Variants in SAMMSON observed in about 807,000 individuals in gnomAD.
The protein encoded by SAMMSON is survival associated mitochondrial melanoma specific oncogenic non-coding RNA.
At chr3:70,337,526 G>A (rs1188364423) in intron 7 of SAMMSON, among the ~76,000 whole-genome samples, 1 of 151,834 alleles carries the variant, frequency 6.6e-6, no homozygotes, top group African/African-American at 2.4e-5. Context: ...CATCTTGCAT[G>A]CCCAGGATTC....
intron 9 of SAMMSON, among the ~76,000 whole-genome samples, chr3:70,366,492 G>GTT: frequency 0.12 from 12,024 of 100,506 alleles, 1,052 homozygotes; most frequent in Non-Finnish European, 0.15. Flanking sequence ...GTGTTTTTAT[G>GTT]TTTTTTTTTT....
chr3:70,351,714 A>C (rs1382670267), intron 7 of SAMMSON, among the ~76,000 whole-genome samples: 2 of 151,884 alleles, frequency 1.3e-5, no homozygotes, highest in Non-Finnish European at 2.9e-5. Flanking sequence ...AAACAACAAC[A>C]AAATCCCAAA....
intron 4 of SAMMSON, among the ~76,000 whole-genome samples, chr3:70,157,496 G>T (rs1406784332): frequency 2.0e-5 from 3 of 152,200 alleles, no homozygotes; most frequent in East Asian, 3.9e-4. Flanking sequence ...GGAGAGAAAG[G>T]TCCCTAGTGG....
At chr3:70,021,046 A>T (rs1208557101) in intron 3 of SAMMSON, among the ~76,000 whole-genome samples, 1 of 152,162 alleles carries the variant, frequency 6.6e-6, no homozygotes, top group Non-Finnish European at 1.5e-5. Context: ...GAACGGAGTT[A>T]AATGTTGGAA....
At chr3:70,091,658 G>A (rs917581621) in intron 4 of SAMMSON, among the ~76,000 whole-genome samples, 1 of 152,148 alleles carries the variant, frequency 6.6e-6, no homozygotes, top group African/African-American at 2.4e-5. Context: ...TATATGGACA[G>A]CCTAATAAGC....
At chr3:70,320,896 G>A (rs1702534463) in intron 7 of SAMMSON, among the ~76,000 whole-genome samples, 1 of 152,014 alleles carries the variant, frequency 6.6e-6, no homozygotes, top group African/African-American at 2.4e-5. Context: ...ACTTCATTGT[G>A]TCAGTTTCCT....
At chr3:70,121,023 G>A (rs1414622296) in intron 4 of SAMMSON, among the ~76,000 whole-genome samples, 1 of 152,200 alleles carries the variant, frequency 6.6e-6, no homozygotes, top group Non-Finnish European at 1.5e-5. Context: ...TAAATGGTAA[G>A]CCGTATCTGG....
At chr3:70,250,210 G>C (rs1351208971) in intron 6 of SAMMSON, among the ~76,000 whole-genome samples, 1 of 152,094 alleles carries the variant, frequency 6.6e-6, no homozygotes, top group Non-Finnish European at 1.5e-5. Flanking sequence ...AACTTCTTGA[G>C]TTGGGCCTCT....
chr3:70,016,839 A>G (rs367980182), intron 3 of SAMMSON, among the ~76,000 whole-genome samples: 16 of 152,152 alleles, frequency 1.1e-4, no homozygotes, highest in East Asian at 3.8e-4. Flanking sequence ...TTTATTAAAT[A>G]GGGAATCCTT....
chr3:70,273,065 G>A (rs145052546), intron 6 of SAMMSON, among the ~76,000 whole-genome samples: 90 of 152,258 alleles, frequency 5.9e-4, no homozygotes, highest in African/African-American at 2.1e-3. Context: ...GTTGTCAAGG[G>A]AAGTTCAGCC....
intron 4 of SAMMSON, among the ~76,000 whole-genome samples, chr3:70,186,597 AG>A (rs1701094054): frequency 6.6e-6 from 1 of 152,092 alleles, no homozygotes; most frequent in Admixed American, 6.5e-5. Context: ...TTATTTTGAA[AG>A]GTTACCTAAT....
chr3:70,074,112 T>C (rs1286341104), intron 4 of SAMMSON, among the ~76,000 whole-genome samples: 2 of 152,032 alleles, frequency 1.3e-5, no homozygotes, highest in Non-Finnish European at 2.9e-5. Context: ...ATGATATTAA[T>C]CAATTGAAAG....
intron 4 of SAMMSON, among the ~76,000 whole-genome samples, chr3:70,135,707 C>T (rs1257866911): frequency 6.6e-6 from 1 of 152,068 alleles, no homozygotes. Flanking sequence ...ACATAAAATT[C>T]CTTTTCCAAA....
intron 1 of SAMMSON, among the ~76,000 whole-genome samples, chr3:70,003,411 T>A (rs2066913795): frequency 6.6e-6 from 1 of 151,942 alleles, no homozygotes; most frequent in South Asian, 2.1e-4. Flanking sequence ...CTCTTTTATG[T>A]TTTTGGATAA....
intron 4 of SAMMSON, among the ~76,000 whole-genome samples, chr3:70,129,939 G>C (rs1201404638): frequency 6.6e-6 from 1 of 152,122 alleles, no homozygotes; most frequent in African/African-American, 2.4e-5. Flanking sequence ...ATAGTGAAAT[G>C]GTTACTATAC....
intron 4 of SAMMSON, among the ~76,000 whole-genome samples, chr3:70,164,175 G>C (rs1372129024): frequency 1.3e-5 from 2 of 152,044 alleles, no homozygotes; most frequent in African/African-American, 4.8e-5. Context: ...GAAAGAATCT[G>C]AGATTCTGAT....
intron 9 of SAMMSON, among the ~76,000 whole-genome samples, chr3:70,377,768 T>C (rs1432226485): frequency 1.3e-5 from 2 of 151,990 alleles, no homozygotes; most frequent in African/African-American, 4.8e-5. Flanking sequence ...AAAAAATACC[T>C]ACAATTAGGT....
chr3:70,278,488 C>T (rs1702049612), intron 6 of SAMMSON, among the ~76,000 whole-genome samples: 1 of 152,128 alleles, frequency 6.6e-6, no homozygotes, highest in Admixed American at 6.5e-5. Context: ...TAGCAGTTTT[C>T]CAGAATGGTC....
At chr3:70,391,050 T>C (rs1265153974), downstream of SAMMSON, among the ~76,000 whole-genome samples, 1 of 152,116 alleles carries the variant, frequency 6.6e-6, no homozygotes, top group African/African-American at 2.4e-5. Flanking sequence ...AGACCATATG[T>C]TGGGAAGAGT....
Sources: allele counts gnomAD v4.1 joint callset (sites outside exome capture counted in the v4.1 genomes callset), GRCh38; gene constraint gnomAD v4.1.1; transcripts MANE v1.5; gene names NCBI Gene and HGNC (gene_info 2026-07-23, HGNC 2026-07-21).